Variants in SCN10A observed in about 807,000 individuals in gnomAD.
SCN10A encodes sodium voltage-gated channel alpha subunit 10.
A neutral mutation model predicts 170.7 loss-of-function variants in SCN10A; 162 were observed. The observed-to-expected ratio is 0.95, with a 90% CI of 0.84 to 1.08. SCN10A has a LOEUF of 1.08. Ranked by LOEUF, SCN10A falls within the 50% of genes least tolerant of loss-of-function variation. SCN10A has a pLI of 0.00. For missense variants in SCN10A, 2,527 were observed against 2,436.9 expected, an observed-to-expected ratio of 1.04 and a Z score of -0.78; for synonymous variants, 985 against 904.6, an observed-to-expected ratio of 1.09 and a Z score of -1.59.
rs558639346 is a variant in SCN10A, at chr3:38,771,375, G to T, written c.503C>A (p.Ala168Asp). The change falls in exon 5 of 28, where the codon GCC (alanine) becomes GAC (aspartate). Residue 168 changes from alanine (A) to aspartate (D), a missense_variant. Physicochemically the swap from Ala to Asp is moderately radical, Grantham distance 126. Coordinates refer to ENST00000449082, the MANE Select transcript of SCN10A (RefSeq NM_006514.4). Reference protein sequence around the residue: ...YVFTVIYTFEALIKILARGFC... With the variant: ...YVFTVIYTFEDLIKILARGFC... ...TCCTCTTGCCAGTATCTTTATCAAGGCTTCAAAGGTGTAAATGACAGTGAA... is the reference window on the plus strand; with the variant it reads ...TCCTCTTGCCAGTATCTTTATCAAGTCTTCAAAGGTGTAAATGACAGTGAA... The T allele has an allele frequency of 2.8e-5, 45 of 1,614,084 alleles. No individual in the cohort carries two copies. In the South Asian group the frequency reaches 4.0e-4, roughly 14 times the overall value.
At chr3:38,716,067 T>G (rs1487731836) in intron 21 of SCN10A, among the ~76,000 whole-genome samples, 1 of 152,186 alleles carries the variant, frequency 6.6e-6, no homozygotes, top group African/African-American at 2.4e-5. Flanking sequence ...ACATGAATAC[T>G]ATAGTTAATA....
intron 11 of SCN10A, among the ~76,000 whole-genome samples, chr3:38,753,024 T>C (rs1204824447): frequency 6.6e-6 from 1 of 151,958 alleles, no homozygotes; most frequent in Non-Finnish European, 1.5e-5. Flanking sequence ...AATGTGAGAG[T>C]TTGTGTTGCA....
intron 16 of SCN10A, 73 bp downstream of exon 16, chr3:38,728,469 A>T: frequency 6.9e-7 from 1 of 1,459,764 alleles, no homozygotes; most frequent in South Asian, 1.6e-5. Context: ...TGCAGATCAA[A>T]GCTTTTTCAG....
chr3:38,707,322 T>C lies in SCN10A; in HGVS notation c.4343A>G (p.Lys1448Arg). 2 of 1,614,124 alleles carry C rather than the reference T, an allele frequency of 1.2e-6. No individual in the cohort carries two copies. The highest frequency in any genetic ancestry group is 1.7e-6 in the Non-Finnish European group (2 of 1,180,002). Reference sequence around the variant, plus strand: ...CTTCTGGGGCTTCTTGGAGCCCAACTTCTTCATGGCATTGTAGTATTTCTT... The same window carrying C: ...CTTCTGGGGCTTCTTGGAGCCCAACCTCTTCATGGCATTGTAGTATTTCTT... ...EQKKYYNAMK[K>R]LGSKKPQKPI... The change falls in exon 26 of 28, where the codon AAG becomes AGG. Residue 1448 changes from lysine (K) to arginine (R), a missense_variant. By Grantham distance (26) the Lys-to-Arg change is conservative. Transcript: ENST00000449082.
chr3:38,726,366 C>T (rs1448893295), intron 17 of SCN10A, among the ~76,000 whole-genome samples: 2 of 152,158 alleles, frequency 1.3e-5, no homozygotes. Context: ...AAAGACAATC[C>T]CCAAGCACCT....
At chr3:38,806,222 A>C (rs73826368) in intron 1 of SCN10A, among the ~76,000 whole-genome samples, 16,565 of 152,260 alleles carry the variant, frequency 0.11, 987 homozygotes, top group South Asian at 0.21. Flanking sequence ...TAGGGCACTT[A>C]AAACAGCTCT....
intron 5 of SCN10A, among the ~76,000 whole-genome samples, chr3:38,764,815 A>G (rs574776736): frequency 6.6e-6 from 1 of 152,304 alleles, no homozygotes; most frequent in East Asian, 1.9e-4. Flanking sequence ...TGGTTGTACT[A>G]GTTTACATTC....
chr3:38,806,372 AAAG>A (rs1310098026), intron 1 of SCN10A, among the ~76,000 whole-genome samples: 5 of 152,166 alleles, frequency 3.3e-5, no homozygotes, highest in Non-Finnish European at 7.4e-5. Context: ...CAAAGGAAGA[AAAG>A]AAGTTCCTTA....
rs112795612 is a variant in SCN10A at position 38,698,198 on chromosome 3, C to T, written c.5022G>A (p.Gly1674=). 7 of 1,614,098 alleles carry T rather than the reference C, an allele frequency of 4.3e-6. No homozygotes were observed. The highest frequency in any genetic ancestry group is 5.9e-6 in the Non-Finnish European group (7 of 1,179,998). The part of the protein sequence containing the change: ...DGLLSPILNT[G]PPYCDPNLPN... ...GCAGATTGGGGTCACAGTAGGGGGG[C>T]CCTGTGTTGAGGATGGGGCTGAGGA... The change falls in exon 28 of 28, where the codon GGG becomes GGA. Residue 1674 remains glycine, a synonymous_variant. Transcript: ENST00000449082.
intron 1 of SCN10A, among the ~76,000 whole-genome samples, chr3:38,808,286 C>A (rs1421548752): frequency 6.6e-6 from 1 of 152,010 alleles, no homozygotes; most frequent in East Asian, 1.9e-4. Context: ...CCTTCTTTCC[C>A]CTGGGTGACT....
intron 11 of SCN10A, 98 bp from the exon 12 acceptor site, chr3:38,752,610 C>T: frequency 1.0e-6 from 1 of 1,002,512 alleles, no homozygotes; most frequent in Non-Finnish European, 1.4e-6. Context: ...TTCCCTGCCC[C>T]TGTCTTTATG....
At chr3:38,740,443 C>T (rs759693337) in intron 14 of SCN10A, among the ~76,000 whole-genome samples, 4 of 152,288 alleles carry the variant, frequency 2.6e-5, no homozygotes, top group African/African-American at 4.8e-5. Context: ...GAGAAACAGA[C>T]AATGCATCCT....
rs139221219 is a variant in SCN10A at position 38,698,390 on chromosome 3, G to A, written c.4830C>T (p.Ile1610=). 1.1e-5 allele frequency: 18 copies of A among 1,614,080 alleles called. No individual in the cohort carries two copies. The highest frequency in any genetic ancestry group is 3.3e-4 in the Middle Eastern group (2 of 6,084). ...ACATGACAAGGAATAGCAACAGCCCGATGTTGAAGAGGGCAGGCAGGGACA... is the reference window on the plus strand; with the variant it reads ...ACATGACAAGGAATAGCAACAGCCCAATGTTGAAGAGGGCAGGCAGGGACA... ...LMMSLPALFN[I]GLLLFLVMFI... is the part of the protein sequence containing the mutation. Residue 1610 remains isoleucine, a synonymous_variant, in exon 28 of 28, where the codon ATC becomes ATT. Transcript: ENST00000449082.
intron 1 of SCN10A, among the ~76,000 whole-genome samples, chr3:38,806,388 A>G (rs1311271721): frequency 6.6e-6 from 1 of 152,184 alleles, no homozygotes; most frequent in Non-Finnish European, 1.5e-5. Context: ...GTTCCTTATC[A>G]CATGATCTGA....
At position 38,709,622 on chromosome 3, in the gene SCN10A, C is replaced by G. The variant is rs746803551; in HGVS notation, c.4144-7G>C. 6.3e-7 allele frequency: 1 copy of G among 1,592,046 alleles called. No individual in the cohort carries two copies. The highest frequency in any genetic ancestry group is 8.6e-7 in the Non-Finnish European group (1 of 1,169,182). On this transcript the variant is annotated splice_region_variant and splice_polypyrimidine_tract_variant and intron_variant, in intron 24 of 27. Coordinates refer to ENST00000449082, the MANE Select transcript of SCN10A (RefSeq NM_006514.4). ...ACTTGGGTTGCATGTTGACCTGTGA[C>G]CAGACAAGGGAGAGTGGGAAGGAGG...
At position 38,709,545 on chromosome 3, in the gene SCN10A, C is replaced by T; in HGVS notation, c.4214G>A (p.Gly1405Glu). ...YLYFVIFIIF[G>E]GFFTLNLFVG... The stretch of plus-strand genomic sequence containing the variant: ...AAAGAGATTCAGTGTGAAGAAGCCT[C>T]CAAAAATGATGAAGATGACAAAGTA... Residue 1405 changes from glycine (G) to glutamate (E), a missense_variant, in exon 25 of 28, where the codon GGA becomes GAA. Transcript: ENST00000449082. 1 of 1,613,016 alleles carries T rather than the reference C, an allele frequency of 6.2e-7. No homozygotes were observed. Among genetic ancestry groups the T allele is most frequent in the Non-Finnish European group, 8.5e-7 (1 of 1,179,522 alleles).
Position 38,696,824 on chromosome 3 carries a change from A to AT in SCN10A, c.*524dup, listed in dbSNP as rs1443533505. On this transcript the variant is annotated 3_prime_UTR_variant, in exon 28 of 28. Transcript: ENST00000449082. ...TGTGGACATACATTTAAAAATATTA[A>AT]TTTTAATGGATATCTCAAAGGCTTT... The AT allele has an allele frequency of 3.8e-5, 6 of 158,196 alleles. No homozygotes were observed. The highest frequency in any genetic ancestry group is 3.5e-4 in the Admixed American group (6 of 16,962). The allele number at this position is 158,196 out of a possible 1,614,324, so 9.8% of individuals were successfully genotyped here.
intron 15 of SCN10A, among the ~76,000 whole-genome samples, chr3:38,733,433 A>C (rs2063530366): frequency 6.6e-6 from 1 of 152,334 alleles, no homozygotes; most frequent in Middle Eastern, 3.4e-3. Context: ...ATTAATAAAA[A>C]TTTTTATAAA....
intron 1 of SCN10A, among the ~76,000 whole-genome samples, chr3:38,800,070 A>G (rs1423159723): frequency 2.0e-5 from 3 of 152,164 alleles, no homozygotes; most frequent in African/African-American, 7.2e-5. Flanking sequence ...GTCTGGAGGT[A>G]AACAGGATGG....
Sources: gnomAD v4.1 joint callset for allele counts (sites outside exome capture counted in the v4.1 genomes callset) on GRCh38, gnomAD v4.1.1 for gene constraint, MANE v1.5 for transcripts, NCBI Gene and HGNC (gene_info 2026-07-23, HGNC 2026-07-21) for gene names.